PDIA6: variants seen among roughly 807,000 people sequenced by gnomAD.
PDIA6 encodes protein disulfide isomerase family A member 6, also known as protein disulfide-isomerase A6.
Under a neutral mutation model 58.4 loss-of-function variants are expected in PDIA6, and 29 were observed. The observed-to-expected ratio is 0.50, with a 90% CI of 0.37 to 0.68. The LOEUF (loss-of-function observed/expected upper bound fraction) is 0.68, where lower values mean the gene tolerates loss of function less well. Among genes scored for constraint, PDIA6 ranks in the 30% least tolerant of loss-of-function variants. PDIA6 has a pLI of 0.00. For missense variants in PDIA6, 480 were observed against 551.0 expected, an observed-to-expected ratio of 0.87 and a Z score of 1.29; for synonymous variants, 192 against 202.6, an observed-to-expected ratio of 0.95 and a Z score of 0.44.
At chr2:10,834,412 A>C (rs1454289260), upstream of PDIA6, among the ~76,000 whole-genome samples, 1 of 147,522 alleles carries the variant, frequency 6.8e-6, no homozygotes, top group Non-Finnish European at 1.5e-5. Flanking sequence ...GGGGCTGGCC[A>C]CCCTCCCTCC....
intron 7 of PDIA6, among the ~76,000 whole-genome samples, 154 bp downstream of exon 7, chr2:10,790,565 C>T (rs1258431086): frequency 6.6e-6 from 1 of 152,200 alleles, no homozygotes; most frequent in Admixed American, 6.5e-5. Context: ...GAGTTTCAGA[C>T]TTGTTAGTTA....
Position 10,818,496 on chromosome 2 carries a change from T to A in PDIA6, c.34+778A>T, listed in dbSNP as rs867486989. Among the ~76,000 whole-genome samples, 949 of 121,470 alleles carry A rather than the reference T, an allele frequency of 7.8e-3. 4 individuals carry two copies. Among genetic ancestry groups the A allele is most frequent in the South Asian group, 0.015 (59 of 3,858 alleles). The allele number at this position is 121,470 out of a possible 152,430, so 79.7% of individuals were successfully genotyped here. A position where few individuals can be genotyped will look rare whatever the true frequency, so the allele number is the denominator to read the frequency against. On this transcript the variant is annotated intron_variant, in intron 2 of 13. Transcript: ENST00000381611. The stretch of plus-strand genomic sequence containing the variant: ...TTAACCATTTAATTTATTTATTTAT[T>A]TATTTATTTATTTATTTATTTATTT...
At chr2:10,819,760 G>C (rs1667326420) in intron 1 of PDIA6, among the ~76,000 whole-genome samples, 1 of 149,970 alleles carries the variant, frequency 6.7e-6, no homozygotes, top group African/African-American at 2.4e-5. Context: ...GTTGTGTTTT[G>C]CTTTGAGCCT....
At chr2:10,795,499 GAAGA>G (rs1666228815) in intron 4 of PDIA6, among the ~76,000 whole-genome samples, 1 of 151,926 alleles carries the variant, frequency 6.6e-6, no homozygotes, top group South Asian at 2.1e-4. Flanking sequence ...AGACGAAGAC[GAAGA>G]CGAAGATGAG....
intron 1 of PDIA6, among the ~76,000 whole-genome samples, chr2:10,831,029 G>A (rs1410663513): frequency 6.6e-6 from 1 of 152,224 alleles, no homozygotes; most frequent in Admixed American, 6.5e-5. Context: ...GGGCTGGCGG[G>A]GAGGGCCCTT....
At chr2:10,785,790 A>G (rs1228870657) in intron 11 of PDIA6, among the ~76,000 whole-genome samples, 1 of 152,166 alleles carries the variant, frequency 6.6e-6, no homozygotes, top group Non-Finnish European at 1.5e-5. Flanking sequence ...CAGTGGTGTG[A>G]TCTCAGCTCA....
chr2:10,804,159 C>T lies in PDIA6; in HGVS notation c.20-1519G>A, dbSNP rs182091218. Among the ~76,000 whole-genome samples, 352 of 151,944 alleles carry T rather than the reference C, an allele frequency of 2.3e-3. 6 individuals are homozygous for T. Among genetic ancestry groups the T allele is most frequent in the Admixed American group, 5.7e-3 (87 of 15,244 alleles). On this transcript the variant is annotated intron_variant, in intron 1 of 12. Coordinates refer to ENST00000272227, the MANE Select transcript of PDIA6 (RefSeq NM_005742.4). ...TCCTGACCTTGTGATCCGCCCGCCT[C>T]GGCCTCCCAAAGTGCTGGGATTACA... is the stretch of plus-strand genomic sequence containing the variant.
At position 10,784,197 on chromosome 2, in the gene PDIA6, T is replaced by G; in HGVS notation, c.*61A>C. The G allele has an allele frequency of 7.4e-7, 1 of 1,354,786 alleles. No individual in the cohort carries two copies. Among genetic ancestry groups the G allele is most frequent in the Non-Finnish European group, 1.0e-6 (1 of 958,212 alleles). The allele number at this position is 1,354,786 out of a possible 1,614,324, so 83.9% of individuals were successfully genotyped here. On this transcript the variant is annotated 3_prime_UTR_variant, in exon 13 of 13. Coordinates refer to ENST00000272227, the MANE Select transcript of PDIA6 (RefSeq NM_005742.4). Reference sequence around the variant, plus strand: ...CTGAGTGTAGAGAATGTCCCTTCACTGCTGGAAAAATCCACTGGCTCCCAA... The same window carrying G: ...CTGAGTGTAGAGAATGTCCCTTCACGGCTGGAAAAATCCACTGGCTCCCAA...
In PDIA6 at chr2:10,784,162, G is replaced by A. The variant is rs1299404110; in HGVS notation, c.*96C>T. The A allele has an allele frequency of 8.2e-6, 7 of 854,994 alleles. No homozygotes were observed. Among genetic ancestry groups the A allele is most frequent in the Non-Finnish European group, 1.3e-5 (7 of 543,800 alleles). The allele number at this position is 854,994 out of a possible 1,614,324, so 53.0% of individuals were successfully genotyped here. ...CTACTTCTTGGTTAAAAGGCCACTG[G>A]TAGAGTCATCTGAGTGTAGAGAATG... is the stretch of plus-strand genomic sequence containing the variant. On this transcript the variant is annotated 3_prime_UTR_variant, in exon 13 of 13. Transcript: ENST00000272227.
At chr2:10,784,731 G>A (rs1665622863) in intron 12 of PDIA6, 2 of 560,208 alleles carry the variant, frequency 3.6e-6, no homozygotes, top group Admixed American at 3.4e-5. Context: ...TATCTTGGCT[G>A]TCAAGAGTAT....
upstream of PDIA6, chr2:10,812,858 C>T (rs1449667723): frequency 7.8e-5 from 91 of 1,162,554 alleles, no homozygotes; most frequent in Non-Finnish European, 9.1e-5. Context: ...CAAGCCGTGG[C>T]TGCGGCTCAT....
Position 10,787,278 on chromosome 2 carries a change from T to G in PDIA6, c.1157+3A>C. The G allele has an allele frequency of 6.2e-7, 1 of 1,613,492 alleles. No homozygotes were observed. The highest frequency in any genetic ancestry group is 2.2e-5 in the East Asian group (1 of 44,872). Reference sequence around the variant, plus strand: ...CAACAAACAACCTAAGAAAACAAATTACCTGAGAAACTCGTTGATGCCTTG... The same window carrying G: ...CAACAAACAACCTAAGAAAACAAATGACCTGAGAAACTCGTTGATGCCTTG... On this transcript the variant is annotated splice_donor_region_variant and intron_variant, in intron 11 of 12. Coordinates refer to ENST00000272227, the MANE Select transcript of PDIA6 (RefSeq NM_005742.4).
At chr2:10,810,607 G>T (rs761561295) in intron 1 of PDIA6, among the ~76,000 whole-genome samples, 2 of 151,856 alleles carry the variant, frequency 1.3e-5, no homozygotes, top group Non-Finnish European at 2.9e-5. Context: ...GCTTGTACAC[G>T]GCTACCCAAT....
upstream of PDIA6, among the ~76,000 whole-genome samples, chr2:10,813,235 G>A (rs937334598): frequency 4.6e-5 from 7 of 152,182 alleles, no homozygotes; most frequent in Admixed American, 2.6e-4. Flanking sequence ...AATATTCCGT[G>A]GACACACATT....
At chr2:10,789,368 A>T (rs917764148) in intron 8 of PDIA6, among the ~76,000 whole-genome samples, 51 of 152,180 alleles carry the variant, frequency 3.4e-4, no homozygotes, top group Non-Finnish European at 6.8e-4. Flanking sequence ...GGAGATTAAA[A>T]ACAGTATCTA....
At chr2:10,819,109 G>A (rs1357715898) in intron 2 of PDIA6, among the ~76,000 whole-genome samples, 1 of 149,000 alleles carries the variant, frequency 6.7e-6, no homozygotes, top group Non-Finnish European at 1.5e-5. Flanking sequence ...TCATGCTGTG[G>A]CATGTGTCAA....
intron 1 of PDIA6, among the ~76,000 whole-genome samples, chr2:10,826,592 T>C (rs1012182195): frequency 6.6e-6 from 1 of 152,206 alleles, no homozygotes; most frequent in Non-Finnish European, 1.5e-5. Flanking sequence ...ACCCCTGACC[T>C]CAGGTGATCT....
At chr2:10,800,825 G>A (rs1666479598) in intron 2 of PDIA6, among the ~76,000 whole-genome samples, 1 of 151,958 alleles carries the variant, frequency 6.6e-6, no homozygotes, top group Admixed American at 6.6e-5. Flanking sequence ...TGCCCAAGCT[G>A]GCCTCGAACT....
At chr2:10,831,745 C>T (rs1237769586) in intron 1 of PDIA6, among the ~76,000 whole-genome samples, 1 of 152,152 alleles carries the variant, frequency 6.6e-6, no homozygotes, top group African/African-American at 2.4e-5. Flanking sequence ...GATTCTAGGG[C>T]CTGACAGGAT....
Sources: gnomAD v4.1 joint callset for allele counts (sites outside exome capture counted in the v4.1 genomes callset) on GRCh38, gnomAD v4.1.1 for gene constraint, MANE v1.5 for transcripts, NCBI Gene and HGNC (gene_info 2026-07-23, HGNC 2026-07-21) for gene names.